CSNK2A2IP: variants seen among roughly 807,000 people sequenced by gnomAD.
CSNK2A2IP encodes casein kinase II subunit alpha'-interacting protein.
the CSNK2A2IP span, among the ~76,000 whole-genome samples, chr3:88,372,378 A>G: frequency 2.6e-5 from 4 of 151,648 alleles, no homozygotes; most frequent in South Asian, 8.3e-4. Context: ...ATGAAACTAT[A>G]TTGTTACAAG....
chr3:88,426,968 G>A, the CSNK2A2IP span, among the ~76,000 whole-genome samples: 1 of 152,098 alleles, frequency 6.6e-6, no homozygotes, highest in Admixed American at 6.5e-5. Context: ...AACAGGCAGA[G>A]ATTGGAACAG....
At chr3:88,396,537 G>A in the CSNK2A2IP span, among the ~76,000 whole-genome samples, 1 of 152,202 alleles carries the variant, frequency 6.6e-6, no homozygotes, top group Non-Finnish European at 1.5e-5. Context: ...AGCGAGGAGT[G>A]AAGCACATTC....
chr3:88,439,150 A>G, the CSNK2A2IP span, among the ~76,000 whole-genome samples: 1 of 152,280 alleles, frequency 6.6e-6, no homozygotes, highest in East Asian at 1.9e-4. Context: ...CTCAATTTCC[A>G]AAACTTAAAT....
the CSNK2A2IP span, among the ~76,000 whole-genome samples, chr3:88,414,296 T>TC: frequency 7.4e-6 from 1 of 135,970 alleles, no homozygotes; most frequent in African/African-American, 2.8e-5. Context: ...TTTTTTTTTT[T>TC]TTTTTGAGAT....
At chr3:88,413,455 A>C in the CSNK2A2IP span, among the ~76,000 whole-genome samples, 63,127 of 151,700 alleles carry the variant, frequency 0.42, 13,841 homozygotes, top group East Asian at 0.53. Flanking sequence ...AAATAATACT[A>C]TGATTGTTAA....
At chr3:88,398,449 A>C in the CSNK2A2IP span, among the ~76,000 whole-genome samples, 1 of 152,282 alleles carries the variant, frequency 6.6e-6, no homozygotes, top group South Asian at 2.1e-4. Context: ...AAAACTTTGT[A>C]ATTAACAAAA....
At chr3:88,433,357 C>T in the CSNK2A2IP span, among the ~76,000 whole-genome samples, 6 of 151,950 alleles carry the variant, frequency 3.9e-5, no homozygotes, top group Non-Finnish European at 7.4e-5. Context: ...CATTTAATTT[C>T]AATTACTAAG....
At chr3:88,464,674 G>C in the CSNK2A2IP span, among the ~76,000 whole-genome samples, 1 of 152,012 alleles carries the variant, frequency 6.6e-6, no homozygotes, top group African/African-American at 2.4e-5. Flanking sequence ...GAACTGAAAA[G>C]AAACATTTGA....
the CSNK2A2IP span, among the ~76,000 whole-genome samples, chr3:88,457,355 CCT>C: frequency 6.6e-6 from 1 of 151,660 alleles, no homozygotes; most frequent in African/African-American, 2.4e-5. Context: ...ATTTGGCTTA[CCT>C]TTTTTTTTAT....
the CSNK2A2IP span, among the ~76,000 whole-genome samples, chr3:88,372,455 T>C: frequency 4.2e-4 from 63 of 151,598 alleles, no homozygotes; most frequent in Non-Finnish European, 4.3e-4. Flanking sequence ...TTAGTGTTAA[T>C]ATCCTAGAGC....
the CSNK2A2IP span, among the ~76,000 whole-genome samples, chr3:88,364,739 C>G: frequency 2.0e-5 from 3 of 152,006 alleles, no homozygotes; most frequent in Non-Finnish European, 2.9e-5. Flanking sequence ...CCACCAGTTT[C>G]CAGCAGACTT....
chr3:88,400,924 T>A, the CSNK2A2IP span, among the ~76,000 whole-genome samples: 1 of 152,160 alleles, frequency 6.6e-6, no homozygotes, highest in South Asian at 2.1e-4. Context: ...AACAATGTGA[T>A]GAATAGAAGT....
the CSNK2A2IP span, among the ~76,000 whole-genome samples, chr3:88,362,132 G>GT: frequency 6.6e-6 from 1 of 151,970 alleles, no homozygotes; most frequent in Non-Finnish European, 1.5e-5. Context: ...GAGAGGTCAT[G>GT]TTTTTTCTGG....
chr3:88,429,344 G>T, the CSNK2A2IP span, among the ~76,000 whole-genome samples: 1 of 152,088 alleles, frequency 6.6e-6, no homozygotes, highest in Non-Finnish European at 1.5e-5. Context: ...ACTTTATTAG[G>T]CAACCAGTGC....
At chr3:88,409,675 A>G in the CSNK2A2IP span, among the ~76,000 whole-genome samples, 4 of 152,044 alleles carry the variant, frequency 2.6e-5, no homozygotes, top group African/African-American at 7.3e-5. Context: ...ACTATTTGTG[A>G]GTTGGATATG....
chr3:88,400,901 G>A, the CSNK2A2IP span, among the ~76,000 whole-genome samples: 1 of 152,144 alleles, frequency 6.6e-6, no homozygotes, highest in African/African-American at 2.4e-5. Flanking sequence ...GATGCAGAGG[G>A]AGAAAAGCAT....
the CSNK2A2IP span, among the ~76,000 whole-genome samples, chr3:88,433,144 A>G: frequency 0.36 from 54,709 of 151,890 alleles, 11,113 homozygotes; most frequent in Non-Finnish European, 0.47. Flanking sequence ...ACTTAAAATG[A>G]TAAAAGATAG....
the CSNK2A2IP span, among the ~76,000 whole-genome samples, chr3:88,396,214 T>C: frequency 2.0e-5 from 3 of 150,116 alleles, no homozygotes; most frequent in Non-Finnish European, 4.4e-5. Context: ...CACGCCATTC[T>C]CCTGCCTCAG....
chr3:88,426,490 T>C, the CSNK2A2IP span, among the ~76,000 whole-genome samples: 1 of 152,220 alleles, frequency 6.6e-6, no homozygotes, highest in Non-Finnish European at 1.5e-5. Flanking sequence ...GCACTAGCCC[T>C]GTTATGGTTT....
Sources: gnomAD v4.1 joint callset for allele counts (sites outside exome capture counted in the v4.1 genomes callset) on GRCh38, gnomAD v4.1.1 for gene constraint, MANE v1.5 for transcripts, NCBI Gene and HGNC (gene_info 2026-07-23, HGNC 2026-07-21) for gene names.